The following GNPTAB variants were observed in gnomAD, a reference collection of about 807,000 sequenced individuals.
The protein encoded by GNPTAB is N-acetylglucosamine-1-phosphate transferase subunits alpha and beta.
In GNPTAB, 92 loss-of-function variants were observed where a neutral mutation model predicts 136.6. The ratio of observed to expected loss-of-function variants is 0.67; its 90% CI spans 0.57 to 0.80. The LOEUF is 0.80. Ranked by LOEUF, GNPTAB falls within the 30% of genes least tolerant of loss-of-function variation. The pLI, the probability that GNPTAB is intolerant of heterozygous loss-of-function variation, is 0.00. For synonymous variants in GNPTAB, 512 were observed against 535.1 expected (o/e 0.96, Z 0.60); for missense variants, 1,343 against 1,501.8 (o/e 0.89, Z 1.75).
chr12:101,761,669 T>C lies in GNPTAB; in HGVS notation c.2810A>G (p.Tyr937Cys). 1 of 1,613,890 alleles carries C rather than the reference T, an allele frequency of 6.2e-7. No homozygotes were observed. The highest frequency in any genetic ancestry group is 1.1e-5 in the South Asian group (1 of 91,072). ...CTTGCTATTTAGAATTTTATTTACATATCTGAGGGAATCTGCAAATGTATC... is the reference window on the plus strand; with the variant it reads ...CTTGCTATTTAGAATTTTATTTACACATCTGAGGGAATCTGCAAATGTATC... Reference protein sequence around the residue: ...LKDTFADSLRYVNKILNSKFG... With the variant: ...LKDTFADSLRCVNKILNSKFG... Residue 937 changes from tyrosine to cysteine, a missense_variant, in exon 14 of 21, where the codon TAT becomes TGT. Tyr to Cys is a radical substitution (Grantham distance 194). Transcript: ENST00000299314.
chr12:101,801,473 G>A (rs1869619035), intron 1 of GNPTAB, among the ~76,000 whole-genome samples: 1 of 130,326 alleles, frequency 7.7e-6, no homozygotes, highest in Non-Finnish European at 1.6e-5. Context: ...CTAGGAGGTG[G>A]AAGTTGCAGT....
chr12:101,800,193 A>AACT (rs1869530743), intron 1 of GNPTAB, among the ~76,000 whole-genome samples: 1 of 82,234 alleles, frequency 1.2e-5, no homozygotes, highest in Non-Finnish European at 2.1e-5. Context: ...CATGTTCAAA[A>AACT]ATTATCTTTG....
intron 1 of GNPTAB, among the ~76,000 whole-genome samples, chr12:101,801,582 A>T (rs1312612767): frequency 1.3e-5 from 2 of 149,412 alleles, no homozygotes; most frequent in African/African-American, 2.5e-5. Context: ...AAAAAAATTT[A>T]AAAAAGAGCA....
rs1952880117 is a variant in GNPTAB, at chr12:101,754,975, TAAA to T, written c.3435-1439_3435-1437del. 2.0e-5 allele frequency among the ~76,000 whole-genome samples: 3 copies of T among 152,120 alleles called. No homozygotes were observed. The South Asian group carries it at 6.2e-4, about 32-fold the overall frequency. On this transcript the variant is annotated intron_variant, in intron 18 of 20. Coordinates refer to ENST00000299314, the MANE Select transcript of GNPTAB (RefSeq NM_024312.5). ...AGATTTAACTTCAAACCAACAAACTTAAAAACCAAAAAAACACATAAGTCTTTA... is the reference window on the plus strand; with the variant it reads ...AGATTTAACTTCAAACCAACAAACTTAACCAAAAAAACACATAAGTCTTTA...
At chr12:101,830,456 C>T (rs1871307179) in intron 1 of GNPTAB, 103 bp downstream of exon 1, 1 of 704,422 alleles carries the variant, frequency 1.4e-6, no homozygotes, top group South Asian at 1.5e-5. Context: ...AAAACCCCGT[C>T]TCTAATAATG....
chr12:101,747,063 G>A lies in GNPTAB; in HGVS notation c.*101C>T, dbSNP rs545889458. 1.9e-4 allele frequency: 144 copies of A among 769,876 alleles called. 3 individuals are homozygous for A. Among genetic ancestry groups the A allele is most frequent in the South Asian group, 9.1e-4 (64 of 70,276 alleles). 47.7% of individuals were successfully genotyped at this position (769,876 alleles called of 1,614,324 possible). A position where few individuals can be genotyped will look rare whatever the true frequency, so the allele number is the denominator to read the frequency against. On this transcript the variant is annotated 3_prime_UTR_variant, in exon 21 of 21. Transcript: ENST00000299314. Reference sequence around the variant, plus strand: ...TGGTACTGGATATTTTCCTTCTTCGGGCCAAACTGCTAAGCATCACATCAC... The same window carrying A: ...TGGTACTGGATATTTTCCTTCTTCGAGCCAAACTGCTAAGCATCACATCAC...
At chr12:101,795,466 G>A (rs763645439) in intron 2 of GNPTAB, among the ~76,000 whole-genome samples, 4 of 152,098 alleles carry the variant, frequency 2.6e-5, no homozygotes, top group Non-Finnish European at 5.9e-5. Context: ...TTTAAAATGA[G>A]AATAGGCCGA....
intron 7 of GNPTAB, among the ~76,000 whole-genome samples, chr12:101,775,769 C>T (rs556089264): frequency 9.9e-5 from 15 of 151,946 alleles, no homozygotes; most frequent in Admixed American, 4.6e-4. Flanking sequence ...AAAAAGGTAC[C>T]GTGCTTTAAA....
In GNPTAB at chr12:101,749,139, A is replaced by G. The variant is rs772920902; in HGVS notation, c.3655T>C (p.Leu1219=). 12 of 1,612,446 alleles carry G rather than the reference A, an allele frequency of 7.4e-6. No homozygotes were observed. The highest frequency in any genetic ancestry group is 1.6e-4 in the Middle Eastern group (1 of 6,078). ...AATGAGAATATAGTAAACATAATCA[A>G]TGTTGCTAGTACACAATGGGTCCAA... The part of the protein sequence containing the change: ...KFWTHCVLAT[L]IMFTIFSFFA... The change falls in exon 20 of 21, where the codon TTG becomes CTG. Residue 1219 remains leucine, a synonymous_variant. Transcript: ENST00000299314.
At chr12:101,790,121 T>A in intron 2 of GNPTAB, 64 bp from the exon 3 acceptor site, 3 of 1,609,194 alleles carry the variant, frequency 1.9e-6, no homozygotes, top group Non-Finnish European at 2.6e-6. Context: ...GTAATAAGAA[T>A]ATCACAGGGT....
chr12:101,778,227 T>G (rs1953287832), intron 7 of GNPTAB: 1 of 152,168 alleles, frequency 6.6e-6, no homozygotes, highest in East Asian at 1.9e-4. Flanking sequence ...GGTGGGCAGC[T>G]GCAGCAGGCC....
At chr12:101,768,867 C>G (rs745557909) in intron 10 of GNPTAB, among the ~76,000 whole-genome samples, 2 of 152,284 alleles carry the variant, frequency 1.3e-5, no homozygotes, top group Non-Finnish European at 2.9e-5. Flanking sequence ...CCTATCCTAT[C>G]TGATTTAAGC....
chr12:101,772,150 G>A (rs1251851793), intron 7 of GNPTAB, among the ~76,000 whole-genome samples: 1 of 152,166 alleles, frequency 6.6e-6, no homozygotes, highest in Non-Finnish European at 1.5e-5. Context: ...CTCTTTATCT[G>A]TTTTCTGTTC....
At chr12:101,773,081 G>T in intron 7 of GNPTAB, 1 of 206,872 alleles carries the variant, frequency 4.8e-6, no homozygotes, top group South Asian at 5.9e-5. Flanking sequence ...AAAGTGCTGG[G>T]ATTACAGGCG....
At chr12:101,751,667 A>G (rs1952821275) in intron 19 of GNPTAB, among the ~76,000 whole-genome samples, 2 of 152,226 alleles carry the variant, frequency 1.3e-5, no homozygotes, top group Non-Finnish European at 2.9e-5. Context: ...CTCAACTCAC[A>G]TTACTATGTT....
chr12:101,824,432 A>ATATATATATATATATATATATT (rs1188582277), intron 1 of GNPTAB, among the ~76,000 whole-genome samples: 4 of 50,880 alleles, frequency 7.9e-5, no homozygotes, highest in Admixed American at 2.3e-4. Context: ...ATATATATAT[A>ATATATATATATATATATATATT]TTTTCTTTTT....
chr12:101,786,231 C>T lies in GNPTAB; in HGVS notation c.366-14G>A. On this transcript the variant is annotated splice_polypyrimidine_tract_variant and intron_variant, in intron 4 of 20. Transcript: ENST00000299314. ...AACTGCTTCTCACTGGAAAGAAACA[C>T]CAACATGCTTACAATTACATTCTTG... is the stretch of plus-strand genomic sequence containing the variant. 1 of 1,591,574 alleles carries T rather than the reference C, an allele frequency of 6.3e-7. No homozygotes were observed. Among genetic ancestry groups the T allele is most frequent in the South Asian group, 1.1e-5 (1 of 89,910 alleles).
intron 7 of GNPTAB, chr12:101,779,803 T>C (rs539117249): frequency 3.7e-5 from 12 of 322,892 alleles, no homozygotes; most frequent in South Asian, 3.1e-4. Flanking sequence ...CCTAAGACAT[T>C]GTAGGAGCTC....
intron 4 of GNPTAB, among the ~76,000 whole-genome samples, chr12:101,787,771 G>A (rs1868744251): frequency 6.6e-6 from 1 of 152,046 alleles, no homozygotes; most frequent in African/African-American, 2.4e-5. Flanking sequence ...AAATTAGTCA[G>A]GCGTGGTGGT....
Sources: gnomAD v4.1 joint callset for allele counts (sites outside exome capture counted in the v4.1 genomes callset) on GRCh38, gnomAD v4.1.1 for gene constraint, MANE v1.5 for transcripts, NCBI Gene and HGNC (gene_info 2026-07-23, HGNC 2026-07-21) for gene names.